TRIM72: variants seen among roughly 807,000 people sequenced by gnomAD.
The protein encoded by TRIM72 is tripartite motif containing 72.
In TRIM72, 33 loss-of-function variants were observed where a neutral mutation model predicts 31.6. The ratio of observed to expected loss-of-function variants is 1.04; its 90% CI spans 0.79 to 1.40. TRIM72 has a LOEUF of 1.40. Ranked by LOEUF, TRIM72 falls within the 40% of genes most tolerant of loss-of-function variation. TRIM72 has a pLI of 0.00. For missense variants in TRIM72, 666 were observed against 682.7 expected (o/e 0.98, Z 0.27); for synonymous variants, 301 against 314.4 (o/e 0.96, Z 0.45).
rs1567496565 is a variant in TRIM72 at position 31,225,189 on chromosome 16, TCAA to T, written c.*435_*437del. ...TGGGTGACAAGAGTGAGACTCTGTCTCAAAAAAAAAAAAAAGTGTGGGGGTTGG... is the reference window on the plus strand; with the variant it reads ...TGGGTGACAAGAGTGAGACTCTGTCTAAAAAAAAAAAAGTGTGGGGGTTGG... On this transcript the variant is annotated 3_prime_UTR_variant, in exon 7 of 7. Transcript: ENST00000322122. The T allele has an allele frequency of 2.1e-5, 3 of 145,420 alleles. No individual in the cohort carries two copies. Among genetic ancestry groups the T allele is most frequent in the Non-Finnish European group, 3.0e-5 (2 of 66,662 alleles). 9.0% of individuals were successfully genotyped at this position (145,420 alleles called of 1,614,324 possible).
rs2079511988 is a variant in TRIM72 at position 31,216,903 on chromosome 16, G to A, written c.390+1775G>A. ...CCACGATATCTAGCTGCCCGAGCGC[G>A]CCCCGCGGGATGCGCTCAAAGCCCT... On this transcript the variant is annotated intron_variant, in intron 2 of 6. Transcript: ENST00000322122. The surrounding 1 kb of genome is among the most constrained non-coding windows in gnomAD (Gnocchi z 6.7). The A allele has an allele frequency of 1.2e-6, 2 of 1,613,934 alleles. No individual in the cohort carries two copies. The highest frequency in any genetic ancestry group is 1.7e-6 in the Non-Finnish European group (2 of 1,180,026).
intron 1 of TRIM72, 79 bp from the exon 2 acceptor site, chr16:31,214,653 C>CCTGGGCTAGGG (rs1490245354): frequency 3.0e-5 from 41 of 1,361,744 alleles, no homozygotes; most frequent in Admixed American, 3.9e-5. Flanking sequence ...GCGGGCCCGG[C>CCTGGGCTAGGG]CTGGGCTAGG....
At position 31,216,929 on chromosome 16, in the gene TRIM72, C is replaced by A. The variant is rs760184701; in HGVS notation, c.390+1801C>A. 2.5e-6 allele frequency: 4 copies of A among 1,614,134 alleles called. No individual in the cohort carries two copies. Among genetic ancestry groups the A allele is most frequent in the Admixed American group, 1.7e-5 (1 of 60,028 alleles). The stretch of plus-strand genomic sequence containing the variant: ...CCCCGCGGGATGCGCTCAAAGCCCT[C>A]GCGCAGCGGCACCGTCCCCAGCTTC... On this transcript the variant is annotated intron_variant, in intron 2 of 6. Coordinates refer to ENST00000322122, the MANE Select transcript of TRIM72 (RefSeq NM_001008274.4). This position sits in a 1 kb window ranked among gnomAD's most constrained non-coding sequence, Gnocchi z 6.7.
rs1216332100 is a variant in TRIM72, at chr16:31,224,713, C to T, written c.1392C>T (p.Ala464=). 2 of 1,529,798 alleles carry T rather than the reference C, an allele frequency of 1.3e-6. No individual in the cohort carries two copies. Among genetic ancestry groups the T allele is most frequent in the Non-Finnish European group, 1.7e-6 (2 of 1,144,038 alleles). The allele number at this position is 1,529,798 out of a possible 1,614,324, so 94.8% of individuals were successfully genotyped here. A position where few individuals can be genotyped will look rare whatever the true frequency, so the allele number is the denominator to read the frequency against. The change falls in exon 7 of 7, where the codon GCC becomes GCT. Residue 464 remains alanine (A), a synonymous_variant. Transcript: ENST00000322122. ...DVCWHDKGKN[A]QPLLLVGPEG... Reference sequence around the variant, plus strand: ...GCTGGCACGACAAGGGCAAGAATGCCCAGCCGCTGCTGCTCGTGGGTCCCG... The same window carrying T: ...GCTGGCACGACAAGGGCAAGAATGCTCAGCCGCTGCTGCTCGTGGGTCCCG...
Position 31,219,158 on chromosome 16 carries a change from G to T in TRIM72, c.454G>T (p.Ala152Ser). ...ATGCATGCGCAAGGAGAAGAGTGTG[G>T]CTGTGCTGGAGCATCAGCTGGTGGA... ...EACMRKEKSV[A>S]VLEHQLVEVE... The change falls in exon 3 of 7, where the codon GCT becomes TCT. Residue 152 changes from alanine to serine, a missense_variant. Ala to Ser is a moderately conservative substitution (Grantham distance 99). Transcript: ENST00000322122. The surrounding 1 kb of genome is among the most constrained non-coding windows in gnomAD (Gnocchi z 4.2). 1 of 1,610,254 alleles carries T rather than the reference G, an allele frequency of 6.2e-7. No homozygotes were observed. The highest frequency in any genetic ancestry group is 8.5e-7 in the Non-Finnish European group (1 of 1,178,296).
chr16:31,225,577 T>C lies in TRIM72; in HGVS notation c.*822T>C, dbSNP rs1230852267. ...CCCTTAGCCATGACTTGTTAAAGCA[T>C]AGGGTGCTAAGTTTCTGATTTAGTA... On this transcript the variant is annotated 3_prime_UTR_variant, in exon 7 of 7. Coordinates refer to ENST00000322122, the MANE Select transcript of TRIM72 (RefSeq NM_001008274.4). 6.6e-6 allele frequency: 1 copy of C among 151,676 alleles called. No individual in the cohort carries two copies. Among genetic ancestry groups the C allele is most frequent in the Non-Finnish European group, 1.5e-5 (1 of 67,972 alleles). The allele number at this position is 151,676 out of a possible 1,614,324, so 9.4% of individuals were successfully genotyped here. A position where few individuals can be genotyped will look rare whatever the true frequency, so the allele number is the denominator to read the frequency against.
At position 31,214,782 on chromosome 16, in the gene TRIM72, C is replaced by T. The variant is rs1389658626; in HGVS notation, c.44C>T (p.Pro15Leu). 1 of 1,582,044 alleles carries T rather than the reference C, an allele frequency of 6.3e-7. No individual in the cohort carries two copies. Among genetic ancestry groups the T allele is most frequent in the Non-Finnish European group, 8.5e-7 (1 of 1,173,580 alleles). ...CTCCTGCACCAGGAGCTGTCCTGCCCGCTGTGCCTGCAGCTGTTCGACGCG... is the reference window on the plus strand; with the variant it reads ...CTCCTGCACCAGGAGCTGTCCTGCCTGCTGTGCCTGCAGCTGTTCGACGCG... The part of the protein sequence containing the change: ...PGLLHQELSC[P>L]LCLQLFDAPV... The change falls in exon 2 of 7, where the codon CCG becomes CTG. Residue 15 changes from proline (P) to leucine (L), a missense_variant. Transcript: ENST00000322122.
rs900687330 is a variant in TRIM72, at chr16:31,216,821, C to T, written c.390+1693C>T. 1 of 1,612,986 alleles carries T rather than the reference C, an allele frequency of 6.2e-7. No homozygotes were observed. Among genetic ancestry groups the T allele is most frequent in the African/African-American group, 1.3e-5 (1 of 75,064 alleles). On this transcript the variant is annotated intron_variant, in intron 2 of 6. Coordinates refer to ENST00000322122, the MANE Select transcript of TRIM72 (RefSeq NM_001008274.4). This position sits in a 1 kb window ranked among gnomAD's most constrained non-coding sequence, Gnocchi z 6.7. ...ATGCGCATGTCGCGCAGCACGGCCA[C>T]GACGAGCTCGGCTGCGTAGTCCTCG...
rs1567496722 is a variant in TRIM72 at position 31,225,638 on chromosome 16, TATTTC to T, written c.*884_*888del. 3.4e-5 allele frequency: 5 copies of T among 148,812 alleles called. No individual in the cohort carries two copies. Among genetic ancestry groups the T allele is most frequent in the African/African-American group, 1.0e-4 (4 of 39,826 alleles). The allele number at this position is 148,812 out of a possible 1,614,324, so 9.2% of individuals were successfully genotyped here. ...GTCAAAAATGCTCATTTCTTTTTTT[TATTTC>T]TTTTTTTTTTTTTTTTTTTTTTTTT... On this transcript the variant is annotated 3_prime_UTR_variant, in exon 7 of 7. Coordinates refer to ENST00000322122, the MANE Select transcript of TRIM72 (RefSeq NM_001008274.4).
intron 2 of TRIM72, among the ~76,000 whole-genome samples, chr16:31,217,653 C>T (rs2079516595): frequency 6.9e-6 from 1 of 144,510 alleles, no homozygotes; most frequent in Admixed American, 7.1e-5. Context: ...CTTGCTCTGT[C>T]GCCCAGGCTA....
chr16:31,215,187 G>A lies in TRIM72; in HGVS notation c.390+59G>A. On this transcript the variant is annotated intron_variant, in intron 2 of 6. Transcript: ENST00000322122. This position sits in a 1 kb window ranked among gnomAD's most constrained non-coding sequence, Gnocchi z 6.3. ...CTGTTCGGTGGCACGGGGCCGATGG[G>A]GAGGTCGCTGCAGTGATTTGGATTC... 1 of 1,420,094 alleles carries A rather than the reference G, an allele frequency of 7.0e-7. No individual in the cohort carries two copies. The highest frequency in any genetic ancestry group is 2.7e-4 in the Middle Eastern group (1 of 3,768). The allele number at this position is 1,420,094 out of a possible 1,614,324, so 88.0% of individuals were successfully genotyped here. A position where few individuals can be genotyped will look rare whatever the true frequency, so the allele number is the denominator to read the frequency against.
At position 31,230,739 on chromosome 16, in the gene TRIM72, A is replaced by AAT. The variant is rs1469733669; in HGVS notation, c.*5985_*5986insTA. The AAT allele has an allele frequency of 6.6e-6, 1 of 151,064 alleles. No individual in the cohort carries two copies. The highest frequency in any genetic ancestry group is 1.5e-5 in the Non-Finnish European group (1 of 67,798). The allele number at this position is 151,064 out of a possible 1,614,324, so 9.4% of individuals were successfully genotyped here. A position where few individuals can be genotyped will look rare whatever the true frequency, so the allele number is the denominator to read the frequency against. ...AGACTCCGCCTCAAAAAAAAAAAAA[A>AAT]AAAAAGGTAACCGGACTCTTTGTTC... On this transcript the variant is annotated 3_prime_UTR_variant, in exon 7 of 7. Coordinates refer to ENST00000322122, the MANE Select transcript of TRIM72 (RefSeq NM_001008274.4).
chr16:31,214,984 G>A lies in TRIM72; in HGVS notation c.246G>A (p.Pro82=). The A allele has an allele frequency of 1.3e-6, 2 of 1,493,652 alleles. No individual in the cohort carries two copies. Among genetic ancestry groups the A allele is most frequent in the Admixed American group, 2.2e-5 (1 of 45,202 alleles). The allele number at this position is 1,493,652 out of a possible 1,614,324, so 92.5% of individuals were successfully genotyped here. ...ARLVEGLAQV[P]QGHCEEHLDP... ...TGGTGGAGGGGCTGGCCCAGGTGCCGCAGGGCCACTGCGAGGAGCACCTGG... is the reference window on the plus strand; with the variant it reads ...TGGTGGAGGGGCTGGCCCAGGTGCCACAGGGCCACTGCGAGGAGCACCTGG... The change falls in exon 2 of 7, where the codon CCG becomes CCA. Residue 82 remains proline, a synonymous_variant. Coordinates refer to ENST00000322122, the MANE Select transcript of TRIM72 (RefSeq NM_001008274.4).
In TRIM72 at chr16:31,216,549, A is replaced by G. The variant is rs1454244591; in HGVS notation, c.390+1421A>G. Among the ~76,000 whole-genome samples, 1 of 152,178 alleles carries G rather than the reference A, an allele frequency of 6.6e-6. No individual in the cohort carries two copies. The highest frequency in any genetic ancestry group is 1.5e-5 in the Non-Finnish European group (1 of 68,026). ...GGCCCAGGCAGCCCAGGAGCCTGGA[A>G]GGGGGCAGTGGGGCGAGATGCAGCC... On this transcript the variant is annotated intron_variant, in intron 2 of 6. Coordinates refer to ENST00000322122, the MANE Select transcript of TRIM72 (RefSeq NM_001008274.4). This position sits in a 1 kb window ranked among gnomAD's most constrained non-coding sequence, Gnocchi z 6.7.
chr16:31,229,003 C>T lies in TRIM72; in HGVS notation c.*4248C>T, dbSNP rs945884197. 58 of 152,612 alleles carry T rather than the reference C, an allele frequency of 3.8e-4. No homozygotes were observed. The highest frequency in any genetic ancestry group is 1.3e-3 in the African/African-American group (56 of 41,578). The allele number at this position is 152,612 out of a possible 1,614,324, so 9.5% of individuals were successfully genotyped here. ...AGGCCTCCAGGAAGAATCAGTTACT[C>T]TCCTCTCTGGATCGCCCAGCAGCTC... is the stretch of plus-strand genomic sequence containing the variant. On this transcript the variant is annotated 3_prime_UTR_variant, in exon 7 of 7. Coordinates refer to ENST00000322122, the MANE Select transcript of TRIM72 (RefSeq NM_001008274.4).
Position 31,226,255 on chromosome 16 carries a change from G to A in TRIM72, c.*1500G>A, listed in dbSNP as rs1450619973. ...AATATGTTTCCCCAGTCAAAAACAT[G>A]TAAGGTTTGCACCAGGAGTGGAAGG... is the stretch of plus-strand genomic sequence containing the variant. On this transcript the variant is annotated 3_prime_UTR_variant, in exon 7 of 7. Coordinates refer to ENST00000322122, the MANE Select transcript of TRIM72 (RefSeq NM_001008274.4). The A allele has an allele frequency of 6.6e-6, 1 of 152,164 alleles. No individual in the cohort carries two copies. Among genetic ancestry groups the A allele is most frequent in the East Asian group, 1.9e-4 (1 of 5,192 alleles). 9.4% of individuals were successfully genotyped at this position (152,164 alleles called of 1,614,324 possible).
Position 31,224,550 on chromosome 16 carries a change from C to A in TRIM72, c.1229C>A (p.Pro410His). The stretch of plus-strand genomic sequence containing the variant: ...GCTCTGCGCAGCCCCGAGAGGCGGC[C>A]CACGCGCATTGGCCTTTACCTGAGC... The part of the protein sequence containing the change: ...PRALRSPERR[P>H]TRIGLYLSFG... Residue 410 changes from proline to histidine, a missense_variant, in exon 7 of 7, where the codon CCC becomes CAC. Coordinates refer to ENST00000322122, the MANE Select transcript of TRIM72 (RefSeq NM_001008274.4). The A allele has an allele frequency of 6.5e-7, 1 of 1,533,928 alleles. No individual in the cohort carries two copies. Among genetic ancestry groups the A allele is most frequent in the Admixed American group, 2.0e-5 (1 of 50,788 alleles).
At position 31,215,279 on chromosome 16, in the gene TRIM72, G is replaced by T. The variant is rs1349193417; in HGVS notation, c.390+151G>T. On this transcript the variant is annotated intron_variant, in intron 2 of 6. Coordinates refer to ENST00000322122, the MANE Select transcript of TRIM72 (RefSeq NM_001008274.4). The surrounding 1 kb of genome is among the most constrained non-coding windows in gnomAD (Gnocchi z 6.3). ...GGCGGGGGCGGGGCGAAGCAGCCAG[G>T]AAAGAGGGTCTGAGGAGCTTAAGGC... 8.0e-7 allele frequency: 1 copy of T among 1,247,408 alleles called. No homozygotes were observed. The highest frequency in any genetic ancestry group is 2.0e-5 in the South Asian group (1 of 49,780). 77.3% of individuals were successfully genotyped at this position (1,247,408 alleles called of 1,614,324 possible).
chr16:31,217,235 G>A (rs1244399494), intron 2 of TRIM72: 23 of 587,360 alleles, frequency 3.9e-5, no homozygotes, highest in Non-Finnish European at 6.5e-5. Flanking sequence ...GAGTGGGGGC[G>A]CCAAATTGTT....
Sources: allele counts gnomAD v4.1 joint callset (sites outside exome capture counted in the v4.1 genomes callset), GRCh38; gene constraint gnomAD v4.1.1; non-coding constraint Gnocchi (gnomAD v3.1); transcripts MANE v1.5; gene names NCBI Gene and HGNC (gene_info 2026-07-23, HGNC 2026-07-21).